The following GUK1 variants were observed in gnomAD, a reference collection of about 807,000 sequenced individuals.
The protein encoded by GUK1 is guanylate kinase 1, also known as guanylate kinase.
A neutral mutation model predicts 25.2 loss-of-function variants in GUK1; 18 were observed. The observed-to-expected ratio is 0.71, with a 90% CI of 0.49 to 1.06. GUK1 has a LOEUF of 1.06. Among genes scored for constraint, GUK1 ranks in the 50% least tolerant of loss-of-function variants. The pLI, the probability that GUK1 is intolerant of heterozygous loss-of-function variation, is 0.00. For synonymous variants in GUK1, 105 were observed against 117.6 expected, an observed-to-expected ratio of 0.89 and a Z score of 0.69; for missense variants, 261 against 276.7, an observed-to-expected ratio of 0.94 and a Z score of 0.40.
chr1:228,141,468 T>C, intron 2 of GUK1: 1 of 328,938 alleles, frequency 3.0e-6, no homozygotes, highest in Non-Finnish European at 4.5e-6. Context: ...CTCCCCTTCA[T>C]CCACCTGGCC....
intron 3 of GUK1, 45 bp from the exon 3 acceptor site, chr1:228,145,981 T>C (rs776478362): frequency 4.1e-6 from 6 of 1,462,276 alleles, no homozygotes; most frequent in South Asian, 1.1e-5. Context: ...GGGTGGGGCA[T>C]TGGGCTCCGA....
chr1:228,145,883 G>C (rs905980814), intron 3 of GUK1, 143 bp from the exon 3 acceptor site: 4 of 745,228 alleles, frequency 5.4e-6, no homozygotes, highest in South Asian at 4.9e-5. Context: ...CCCTCGCCTT[G>C]TAGGCTCCTG....
At chr1:228,147,334 C>G (rs553009429) in intron 5 of GUK1, 72 bp from the exon 5 acceptor site, 1 of 1,458,104 alleles carries the variant, frequency 6.9e-7, no homozygotes, top group Non-Finnish European at 9.4e-7. Context: ...CCGGGAGGGC[C>G]TGGGTGTCCC....
At chr1:228,147,799 C>A in intron 7 of GUK1, 100 bp downstream of exon 6, 1 of 958,724 alleles carries the variant, frequency 1.0e-6, no homozygotes, top group Non-Finnish European at 1.6e-6. Flanking sequence ...CCTCCTGACA[C>A]CTGGAGTCCC....
At chr1:228,145,459 G>T in intron 2 of GUK1, 52 bp from the exon 2 acceptor site, 1 of 1,521,632 alleles carries the variant, frequency 6.6e-7, no homozygotes. Context: ...CAGCTCAGCA[G>T]ATGGGGACTA....
chr1:228,146,973 G>T (rs1409904578), intron 5 of GUK1, 35 bp downstream of exon 4: 3 of 1,390,042 alleles, frequency 2.2e-6, no homozygotes, highest in Non-Finnish European at 3.1e-6. Flanking sequence ...GGCTCCCAGG[G>T]TTGCTGTTGG....
rs552804000 is a variant in GUK1, at chr1:228,141,727, A to G, written c.-3+439A>G. The G allele has an allele frequency of 4.5e-6, 6 of 1,323,390 alleles. No individual in the cohort carries two copies. In the South Asian group the frequency reaches 6.0e-5, roughly 13 times the overall value. 82.0% of individuals were successfully genotyped at this position (1,323,390 alleles called of 1,614,324 possible). A position where few individuals can be genotyped will look rare whatever the true frequency, so the allele number is the denominator to read the frequency against. ...CTGGGGCAGCATGGGAGCCCAGTCCAGGGAGCGTTCTGGCAGAGACCATTC... is the reference window on the plus strand; with the variant it reads ...CTGGGGCAGCATGGGAGCCCAGTCCGGGGAGCGTTCTGGCAGAGACCATTC... On this transcript the variant is annotated intron_variant, in intron 2 of 8. Transcript: ENST00000312726.
intron 2 of GUK1, chr1:228,141,829 G>T: frequency 8.4e-7 from 1 of 1,187,958 alleles, no homozygotes; most frequent in Non-Finnish European, 1.1e-6. Context: ...GTGCCTGGCA[G>T]GTCCTTACAG....
chr1:228,148,697 A>G lies in GUK1; in HGVS notation c.594A>G (p.Ter198TrpextTer78), dbSNP rs1416316505. Residue 198 changes from the stop codon to tryptophan, a stop_lost, in exon 9 of 9, where the codon TGA (stop) becomes TGG (tryptophan). Transcript: ENST00000312726. ...AGAAAGCTCAAAGGACCGGCGCCTGAGGCTTGCTGTCTGTTCTCGGCACCC... is the reference window on the plus strand; with the variant it reads ...AGAAAGCTCAAAGGACCGGCGCCTGGGGCTTGCTGTCTGTTCTCGGCACCC... 1 of 1,603,172 alleles carries G rather than the reference A, an allele frequency of 6.2e-7. No homozygotes were observed. The highest frequency in any genetic ancestry group is 1.7e-5 in the Admixed American group (1 of 59,922).
At chr1:228,141,748 C>G (rs2034067790) in intron 2 of GUK1, 3 of 1,322,664 alleles carry the variant, frequency 2.3e-6, no homozygotes, top group Non-Finnish European at 3.0e-6. Flanking sequence ...TGGCAGAGAC[C>G]ATTCCGGAAC....
chr1:228,142,053 G>C (rs1190310359), intron 2 of GUK1, among the ~76,000 whole-genome samples: 6 of 152,246 alleles, frequency 3.9e-5, no homozygotes, highest in Non-Finnish European at 7.3e-5. Context: ...TCTCCCTTGG[G>C]TGTGCTCCAT....
At chr1:228,147,031 C>T in intron 5 of GUK1, 93 bp downstream of exon 4, 1 of 859,180 alleles carries the variant, frequency 1.2e-6, no homozygotes, top group East Asian at 2.4e-5. Flanking sequence ...ATCCACACCA[C>T]CCACCCCATG....
upstream of GUK1, chr1:228,140,232 TCG>T: frequency 1.5e-6 from 2 of 1,316,794 alleles, no homozygotes; most frequent in Non-Finnish European, 1.0e-6. Context: ...GACGTCAGTC[TCG>T]CGCGCGGGCG....
At chr1:228,147,856 C>T in intron 7 of GUK1, 157 bp downstream of exon 6, 2 of 631,662 alleles carry the variant, frequency 3.2e-6, no homozygotes, top group Non-Finnish European at 5.5e-6. Flanking sequence ...ACCTAGAGTC[C>T]CCGTGAGGGT....
chr1:228,141,377 G>T (rs1446581450), intron 2 of GUK1: 4 of 558,216 alleles, frequency 7.2e-6, no homozygotes, highest in Non-Finnish European at 9.1e-6. Context: ...TTAAAACGAG[G>T]TTGCTGAAGG....
At chr1:228,148,615 G>A (rs761884906) in intron 8 of GUK1, 50 bp from the exon 8 acceptor site, 1 of 1,535,178 alleles carries the variant, frequency 6.5e-7, no homozygotes, top group African/African-American at 1.4e-5. Flanking sequence ...AGGAAGCCCA[G>A]CCCTTCCTGG....
Position 228,148,408 on chromosome 1 carries a change from C to A in GUK1, c.513C>A (p.Asn171Lys). ...GCCTGTTTGATGTGGTCATCATTAA[C>A]GACAGCCTGGACCAGGCCTACGCAG... The change falls in exon 8 of 9, where the codon AAC becomes AAA. Residue 171 changes from asparagine (N) to lysine (K), a missense_variant. Transcript: ENST00000312726. The A allele has an allele frequency of 6.4e-7, 1 of 1,559,532 alleles. No homozygotes were observed. Among genetic ancestry groups the A allele is most frequent in the Non-Finnish European group, 8.7e-7 (1 of 1,148,364 alleles).
At chr1:228,147,767 A>G in intron 7 of GUK1, 68 bp downstream of exon 6, 2 of 1,437,710 alleles carry the variant, frequency 1.4e-6, no homozygotes, top group Non-Finnish European at 1.9e-6. Flanking sequence ...CTGTGGCACC[A>G]GGGACCCTGT....
chr1:228,145,882 T>G (rs2034339708), intron 3 of GUK1, 144 bp from the exon 3 acceptor site: 3 of 741,978 alleles, frequency 4.0e-6, no homozygotes, highest in Non-Finnish European at 7.1e-6. Context: ...ACCCTCGCCT[T>G]GTAGGCTCCT....
Sources: gnomAD v4.1 joint callset for allele counts (sites outside exome capture counted in the v4.1 genomes callset) on GRCh38, gnomAD v4.1.1 for gene constraint, MANE v1.5 for transcripts, NCBI Gene and HGNC (gene_info 2026-07-23, HGNC 2026-07-21) for gene names.